Variants in TEX11 observed in about 807,000 individuals in gnomAD.
TEX11 encodes the protein testis expressed 11.
A neutral mutation model predicts 84.4 loss-of-function variants in TEX11; 7 were observed. That is an observed-to-expected ratio of 0.08 (90% CI 0.05 to 0.16). The LOEUF (loss-of-function observed/expected upper bound fraction) is 0.16. Among genes scored for constraint, TEX11 ranks in the 10% least tolerant of loss-of-function variants. The pLI, the probability that TEX11 is intolerant of heterozygous loss-of-function variation, is 1.00. For synonymous variants in TEX11, 264 were observed against 222.8 expected, an observed-to-expected ratio of 1.18 and a Z score of -1.64; for missense variants, 551 against 660.5, an observed-to-expected ratio of 0.83 and a Z score of 1.82.
intron 9 of TEX11, among the ~76,000 whole-genome samples, chrX:70,755,601 A>G (rs189845740): frequency 1.8e-5 from 2 of 112,231 alleles, no homozygotes; most frequent in East Asian, 5.6e-4. Context: ...ATAAGATTAG[A>G]AAGTTTATTC....
intron 12 of TEX11, among the ~76,000 whole-genome samples, chrX:70,723,027 T>A (rs1375270329): frequency 2.7e-5 from 3 of 111,738 alleles, no homozygotes; most frequent in Non-Finnish European, 5.6e-5. Flanking sequence ...GCTACTTGTA[T>A]GGCCATAGGC....
chrX:70,573,502 C>T (rs1452453180), intron 25 of TEX11, among the ~76,000 whole-genome samples: 1 of 111,508 alleles, frequency 9.0e-6, no homozygotes. Flanking sequence ...GTTTAATGTG[C>T]CTGAGGATCA....
At chrX:70,728,496 A>ATGG (rs2090617457) in intron 11 of TEX11, among the ~76,000 whole-genome samples, 2 of 112,999 alleles carry the variant, frequency 1.8e-5, no homozygotes, top group African/African-American at 6.4e-5. Context: ...GTCTTAGCAA[A>ATGG]CAAAACACCA....
chrX:70,721,765 G>C (rs1490218983), intron 13 of TEX11, among the ~76,000 whole-genome samples: 1 of 112,021 alleles, frequency 8.9e-6, no homozygotes, highest in Non-Finnish European at 1.9e-5. Flanking sequence ...GAGTTGACTA[G>C]TTGTGACAGA....
intron 3 of TEX11, among the ~76,000 whole-genome samples, chrX:70,877,291 T>TAA (rs376479023): frequency 2.0e-5 from 2 of 98,377 alleles, no homozygotes; most frequent in Non-Finnish European, 2.1e-5. Context: ...GTGATTGTCT[T>TAA]AAAAAAAAAA....
intron 9 of TEX11, among the ~76,000 whole-genome samples, chrX:70,763,199 AAATGACCATCAACC>A (rs2090919954): frequency 8.9e-6 from 1 of 112,256 alleles, no homozygotes; most frequent in Non-Finnish European, 1.9e-5. Context: ...GAGCCAACCT[AAATGACCATCAACC>A]AATGAGTGGA....
rs1454660933 is a variant in TEX11 at position 70,901,717 on chromosome X, C to T, written c.37+6036G>A. Reference sequence around the variant, plus strand: ...TCCTGCTGTGCAGCCAGGTTCCTAACAGGCCAGAGACAGGTAATGGTCCGT... The same window carrying T: ...TCCTGCTGTGCAGCCAGGTTCCTAATAGGCCAGAGACAGGTAATGGTCCGT... On this transcript the variant is annotated intron_variant, in intron 2 of 29. Transcript: ENST00000374333. Among the ~76,000 whole-genome samples the T allele has an allele frequency of 3.6e-5, 4 of 111,778 alleles. No homozygotes were observed. The East Asian group carries it at 1.1e-3, about 31-fold the overall frequency.
At chrX:70,843,103 T>A (rs183941355) in intron 7 of TEX11, among the ~76,000 whole-genome samples, 1 of 111,868 alleles carries the variant, frequency 8.9e-6, no homozygotes, top group African/African-American at 3.2e-5. Flanking sequence ...TACCAACAAC[T>A]TTCTTCACAG....
At chrX:70,714,046 T>C (rs1158812528) in intron 13 of TEX11, among the ~76,000 whole-genome samples, 1 of 112,086 alleles carries the variant, frequency 8.9e-6, no homozygotes, top group Non-Finnish European at 1.9e-5. Context: ...TATTTTGTTA[T>C]GTACCCAGTA....
chrX:70,892,830 A>G (rs934671549), intron 2 of TEX11, among the ~76,000 whole-genome samples: 4 of 110,788 alleles, frequency 3.6e-5, no homozygotes, highest in African/African-American at 1.3e-4. Context: ...AAAGACACAC[A>G]GAAGCTCAAA....
chrX:70,572,984 T>C (rs1444024256), intron 25 of TEX11, among the ~76,000 whole-genome samples: 1 of 111,265 alleles, frequency 9.0e-6, no homozygotes, highest in Non-Finnish European at 1.9e-5. Flanking sequence ...ATCTGTACCC[T>C]AAAACTTAAA....
At chrX:70,860,802 A>G (rs1453051782) in intron 5 of TEX11, 55 bp downstream of exon 5, 2 of 887,235 alleles carry the variant, frequency 2.3e-6, no homozygotes, top group Non-Finnish European at 3.3e-6. Context: ...TACCATTTTC[A>G]TAGAAGTAAC....
rs374729936 is a variant in TEX11, at chrX:70,529,120, T to C, written c.2753A>G (p.His918Arg). Residue 918 changes from histidine to arginine, a missense_variant, in exon 30 of 30, where the codon CAT (histidine) becomes CGT (arginine). His to Arg is a conservative substitution (Grantham distance 29). Coordinates refer to ENST00000374333, the MANE Select transcript of TEX11 (RefSeq NM_031276.3). ...SNNKGPVFHE[H>R]GYWSKSD Reference sequence around the variant, plus strand: ...CTAATCTGACTTGCTCCAGTAGCCATGTTCATGAAAAACTGGGCCCTTGTT... The same window carrying C: ...CTAATCTGACTTGCTCCAGTAGCCACGTTCATGAAAAACTGGGCCCTTGTT... The C allele has an allele frequency of 8.3e-6, 10 of 1,208,689 alleles. No homozygotes were observed. The Admixed American group carries it at 8.8e-5, about 11-fold the overall frequency.
At chrX:70,572,522 A>C (rs2088615115) in intron 25 of TEX11, among the ~76,000 whole-genome samples, 1 of 111,024 alleles carries the variant, frequency 9.0e-6, no homozygotes, top group Admixed American at 9.7e-5. Flanking sequence ...AAAGATTTTA[A>C]ATCATGCTGC....
At chrX:70,904,134 T>G (rs906520737) in intron 2 of TEX11, among the ~76,000 whole-genome samples, 1 of 109,815 alleles carries the variant, frequency 9.1e-6, no homozygotes, top group African/African-American at 3.3e-5. Flanking sequence ...TCTTGAAAAT[T>G]TATTGAGATT....
At chrX:70,700,686 G>C (rs1192034541) in intron 13 of TEX11, among the ~76,000 whole-genome samples, 1 of 111,973 alleles carries the variant, frequency 8.9e-6, no homozygotes, top group Non-Finnish European at 1.9e-5. Flanking sequence ...TCAAAAGCCA[G>C]TGATGATTAA....
intron 9 of TEX11, among the ~76,000 whole-genome samples, chrX:70,751,960 T>C (rs1320276283): frequency 8.9e-6 from 1 of 112,435 alleles, no homozygotes; most frequent in Non-Finnish European, 1.9e-5. Context: ...ATTCTTAAGG[T>C]GTATTACTGG....
At position 70,594,852 on chromosome X, in the gene TEX11, C is replaced by T. The variant is rs188684154; in HGVS notation, c.2068-3029G>A. On this transcript the variant is annotated intron_variant, in intron 24 of 29. Coordinates refer to ENST00000374333, the MANE Select transcript of TEX11 (RefSeq NM_031276.3). ...TGCTACCCTGTGAAGAGGTGCCTTC[C>T]ATCATGATTCTAAGTTTCCTGAGGC... Among the ~76,000 whole-genome samples the T allele has an allele frequency of 5.5e-3, 610 of 111,130 alleles. 4 individuals carry two copies. Among genetic ancestry groups the T allele is most frequent in the African/African-American group, 0.019 (584 of 30,568 alleles).
At chrX:70,759,973 GACAA>G (rs1452631338) in intron 9 of TEX11, among the ~76,000 whole-genome samples, 3 of 111,475 alleles carry the variant, frequency 2.7e-5, no homozygotes, top group East Asian at 2.8e-4. Flanking sequence ...ACCAAGTACA[GACAA>G]ACAGAGAGCC....
Sources: gnomAD v4.1 joint callset for allele counts (sites outside exome capture counted in the v4.1 genomes callset) on GRCh38, gnomAD v4.1.1 for gene constraint, MANE v1.5 for transcripts, NCBI Gene and HGNC (gene_info 2026-07-23, HGNC 2026-07-21) for gene names.